The following GRM3 variants were observed in gnomAD, a reference collection of about 807,000 sequenced individuals.
GRM3 encodes metabotropic glutamate receptor 3.
A neutral mutation model predicts 70.5 loss-of-function variants in GRM3; 26 were observed. That is an observed-to-expected ratio of 0.37 (90% confidence interval 0.27 to 0.51). The LOEUF is 0.51. Ranked by LOEUF, GRM3 falls within the 20% of genes least tolerant of loss-of-function variation. The probability of loss-of-function intolerance (pLI) is 0.93; values close to 1 mark genes in which losing one functional copy is unlikely to be tolerated. For missense variants in GRM3, 859 were observed against 1,123.8 expected (o/e 0.76, Z 3.37); for synonymous variants, 443 against 434.9 (o/e 1.02, Z -0.23).
chr7:86,751,152 C>T (rs1029589143), intron 1 of GRM3, among the ~76,000 whole-genome samples: 4 of 152,066 alleles, frequency 2.6e-5, no homozygotes, highest in Non-Finnish European at 5.9e-5. Flanking sequence ...TTAACTGCAT[C>T]TGGAAAGAGC....
chr7:86,717,706 CT>C (rs1330022500), intron 1 of GRM3, among the ~76,000 whole-genome samples: 1 of 151,900 alleles, frequency 6.6e-6, no homozygotes, highest in Non-Finnish European at 1.5e-5. Flanking sequence ...CTCCGTGTTA[CT>C]TGAAGACGTG....
At chr7:86,800,913 G>A (rs1797665586) in intron 3 of GRM3, among the ~76,000 whole-genome samples, 1 of 152,046 alleles carries the variant, frequency 6.6e-6, no homozygotes, top group Non-Finnish European at 1.5e-5. Context: ...ACCGAATCCA[G>A]CAGCACATCA....
intron 2 of GRM3, among the ~76,000 whole-genome samples, chr7:86,785,709 T>C (rs931432955): frequency 7.0e-6 from 1 of 142,430 alleles, no homozygotes; most frequent in African/African-American, 2.6e-5. Context: ...TTTTTTTTTT[T>C]TTTTTTTTTG....
chr7:86,715,321 G>C (rs1795289667), intron 1 of GRM3, among the ~76,000 whole-genome samples: 1 of 151,928 alleles, frequency 6.6e-6, no homozygotes, highest in Non-Finnish European at 1.5e-5. Context: ...TGCAAAGATG[G>C]ACTTTAACAT....
chr7:86,721,537 C>A lies in GRM3; in HGVS notation c.-140-43469C>A, dbSNP rs143543694. On this transcript the variant is annotated intron_variant, in intron 1 of 5. Transcript: ENST00000361669. ...GGAATTCCAATTTGGAAATTCAGAT[C>A]TTAGGCCACTGGATTAATACTAAAG... 3.3e-4 allele frequency among the ~76,000 whole-genome samples: 50 copies of A among 152,076 alleles called. 1 individual carries two copies. The highest frequency in any genetic ancestry group is 1.2e-3 in the African/African-American group (48 of 41,494).
At chr7:86,746,341 T>TTTTATATATATATATATATAGA (rs1388333232) in intron 1 of GRM3, among the ~76,000 whole-genome samples, 1 of 87,486 alleles carries the variant, frequency 1.1e-5, no homozygotes, top group Non-Finnish European at 2.0e-5. Flanking sequence ...CAGTCATGTA[T>TTTTATATATATATATATATAGA]TATATATATA....
chr7:86,727,029 G>C (rs562228089), intron 1 of GRM3, among the ~76,000 whole-genome samples: 2 of 152,164 alleles, frequency 1.3e-5, no homozygotes, highest in Non-Finnish European at 2.9e-5. Context: ...AGAAACTACA[G>C]ATTAGGAGAC....
chr7:86,782,960 T>G (rs1797113418), intron 2 of GRM3, among the ~76,000 whole-genome samples: 1 of 152,226 alleles, frequency 6.6e-6, no homozygotes, highest in Non-Finnish European at 1.5e-5. Flanking sequence ...TTCCAAAATT[T>G]TACATTACTT....
intron 2 of GRM3, among the ~76,000 whole-genome samples, chr7:86,783,390 A>C (rs1389965719): frequency 6.6e-6 from 1 of 152,194 alleles, no homozygotes; most frequent in Admixed American, 6.5e-5. Flanking sequence ...TCACCCACAC[A>C]TTCTAACCAT....
intron 1 of GRM3, among the ~76,000 whole-genome samples, chr7:86,736,426 C>G (rs1795859853): frequency 2.6e-5 from 4 of 152,208 alleles, no homozygotes; most frequent in Admixed American, 2.6e-4. Context: ...CAAACAAATC[C>G]CAAAATAAAT....
In GRM3 at chr7:86,742,885, C is replaced by T. The variant is rs770935002; in HGVS notation, c.-140-22121C>T. Among the ~76,000 whole-genome samples, 13 of 152,046 alleles carry T rather than the reference C, an allele frequency of 8.6e-5. No homozygotes were observed. The East Asian group carries it at 2.3e-3, about 27-fold the overall frequency. ...TAGAACGAGGATAATGAAAGCGCTTCGAGGTATTTACTATATGTGACTTGG... is the reference window on the plus strand; with the variant it reads ...TAGAACGAGGATAATGAAAGCGCTTTGAGGTATTTACTATATGTGACTTGG... On this transcript the variant is annotated intron_variant, in intron 1 of 5. Coordinates refer to ENST00000361669, the MANE Select transcript of GRM3 (RefSeq NM_000840.3).
At chr7:86,816,141 G>C (rs1798010341) in intron 3 of GRM3, among the ~76,000 whole-genome samples, 1 of 151,854 alleles carries the variant, frequency 6.6e-6, no homozygotes, top group African/African-American at 2.4e-5. Context: ...TTGACAGAGA[G>C]GTAGCATTTG....
intron 3 of GRM3, among the ~76,000 whole-genome samples, chr7:86,828,867 G>A (rs117460381): frequency 0.016 from 2,413 of 152,330 alleles, 27 homozygotes; most frequent in Middle Eastern, 0.031. Flanking sequence ...CAAAATTGGA[G>A]TCAGTTCTCT....
In GRM3 at chr7:86,855,027, T is replaced by C. The variant is rs368592513; in HGVS notation, c.2566+4483T>C. Among the ~76,000 whole-genome samples, 9 of 152,320 alleles carry C rather than the reference T, an allele frequency of 5.9e-5. No individual in the cohort carries two copies. In the East Asian group the frequency reaches 1.4e-3, roughly 23 times the overall value. ...GGGCATTCTCCTTCTAATGGCAGTATAACTCACAGACCTTGAAATCCTAAA... is the reference window on the plus strand; with the variant it reads ...GGGCATTCTCCTTCTAATGGCAGTACAACTCACAGACCTTGAAATCCTAAA... On this transcript the variant is annotated intron_variant, in intron 5 of 5. Transcript: ENST00000361669.
At position 86,786,518 on chromosome 7, in the gene GRM3, T is replaced by A. The variant is rs1157653299; in HGVS notation, c.726T>A (p.Ala242=). 1 of 1,614,150 alleles carries A rather than the reference T, an allele frequency of 6.2e-7. No homozygotes were observed. Among genetic ancestry groups the A allele is most frequent in the East Asian group, 2.2e-5 (1 of 44,880 alleles). Residue 242 remains alanine (A), a synonymous_variant, in exon 3 of 6, where the codon GCT becomes GCA. Transcript: ENST00000361669. This position sits in a 1 kb window ranked among gnomAD's most constrained non-coding sequence, Gnocchi z 6.0. ...CCCGCCTGCGCAACATCTGCATCGCTACGGCGGAGAAGGTGGGCCGCTCCA... is the reference window on the plus strand; with the variant it reads ...CCCGCCTGCGCAACATCTGCATCGCAACGGCGGAGAAGGTGGGCCGCTCCA... ...QEARLRNICI[A]TAEKVGRSNI... is the part of the protein sequence containing the mutation.
chr7:86,757,132 T>C (rs1276777895), intron 1 of GRM3, among the ~76,000 whole-genome samples: 3 of 152,210 alleles, frequency 2.0e-5, no homozygotes, highest in African/African-American at 2.4e-5. Flanking sequence ...TGTCTGTTAA[T>C]TCCAAAATGT....
At chr7:86,800,674 A>G (rs3922329) in intron 3 of GRM3, among the ~76,000 whole-genome samples, 8,184 of 152,238 alleles carry the variant, frequency 0.054, 703 homozygotes, top group African/African-American at 0.18. Flanking sequence ...GAAAGACTAG[A>G]ACTAGATATA....
chr7:86,691,302 C>T (rs1314902507), intron 1 of GRM3, among the ~76,000 whole-genome samples: 1 of 152,146 alleles, frequency 6.6e-6, no homozygotes, highest in African/African-American at 2.4e-5. Flanking sequence ...GGCAAATTCT[C>T]CCTCATACTC....
intron 1 of GRM3, among the ~76,000 whole-genome samples, chr7:86,763,880 CT>C (rs1796538441): frequency 6.6e-6 from 1 of 152,116 alleles, no homozygotes; most frequent in South Asian, 2.1e-4. Flanking sequence ...GTGGTAGCAG[CT>C]CTCTAGGAAT....
Sources: allele counts gnomAD v4.1 joint callset (sites outside exome capture counted in the v4.1 genomes callset), GRCh38; gene constraint gnomAD v4.1.1; non-coding constraint Gnocchi (gnomAD v3.1); transcripts MANE v1.5; gene names NCBI Gene and HGNC (gene_info 2026-07-23, HGNC 2026-07-21).